Variants in WRN observed in about 807,000 individuals in gnomAD.
WRN encodes bifunctional 3'-5' exonuclease/ATP-dependent helicase WRN.
WRN carries 149 observed loss-of-function variants against 180.7 expected under a neutral mutation model. The observed-to-expected ratio is 0.82, with a 90% confidence interval of 0.72 to 0.94. The LOEUF (loss-of-function observed/expected upper bound fraction) is 0.94, where lower values mean the gene tolerates loss of function less well. WRN is among the 40% of genes least tolerant of loss of function. The pLI is 0.00. For missense variants in WRN, 1,661 were observed against 1,700.1 expected (o/e 0.98, Z 0.40); for synonymous variants, 548 against 568.9 (o/e 0.96, Z 0.52).
intron 20 of WRN, among the ~76,000 whole-genome samples, chr8:31,118,066 C>T (rs536699853): frequency 2.6e-4 from 40 of 152,084 alleles, no homozygotes; most frequent in Non-Finnish European, 5.3e-4. Context: ...TAAAACATCT[C>T]CCAGAACATG....
In WRN at chr8:31,065,072, A is replaced by AAT. The variant is rs1394334942; in HGVS notation, c.504+19_504+20dup. The AAT allele has an allele frequency of 6.2e-6, 10 of 1,608,950 alleles. No homozygotes were observed. The highest frequency in any genetic ancestry group is 8.5e-6 in the Non-Finnish European group (10 of 1,176,702). ...ATGTTGCCAATAAAAAGGTAAAAGC[A>AAT]ATATATATATAATTTTCATGATGAA... is the stretch of plus-strand genomic sequence containing the variant. On this transcript the variant is annotated intron_variant, in intron 5 of 34. Coordinates refer to ENST00000298139, the MANE Select transcript of WRN (RefSeq NM_000553.6).
intron 8 of WRN, among the ~76,000 whole-genome samples, chr8:31,079,011 A>G (rs972557356): frequency 6.6e-6 from 1 of 152,192 alleles, no homozygotes; most frequent in Non-Finnish European, 1.5e-5. Flanking sequence ...ACTGTATCAC[A>G]TATCTGTTCC....
intron 13 of WRN, among the ~76,000 whole-genome samples, chr8:31,089,707 A>G (rs1563344160): frequency 6.6e-6 from 1 of 151,922 alleles, no homozygotes; most frequent in African/African-American, 2.4e-5. Flanking sequence ...CCACCTCTCC[A>G]ATTGATTTTT....
intron 20 of WRN, among the ~76,000 whole-genome samples, chr8:31,116,916 A>G (rs865815694): frequency 3.3e-5 from 5 of 152,218 alleles, no homozygotes; most frequent in Non-Finnish European, 7.3e-5. Flanking sequence ...ATGAGAACAC[A>G]TACTGGGTTC....
intron 16 of WRN, 39 bp from the exon 17 acceptor site, chr8:31,096,728 GT>G (rs376058022): frequency 0.028 from 31,088 of 1,118,996 alleles, 6 homozygotes; most frequent in African/African-American, 0.029. Flanking sequence ...TTCCCTTCCT[GT>G]TTTTTTTTTT....
intron 1 of WRN, among the ~76,000 whole-genome samples, chr8:31,035,717 G>C (rs187227589): frequency 1.3e-5 from 2 of 152,188 alleles, no homozygotes; most frequent in East Asian, 3.9e-4. Flanking sequence ...ATTCCACTCA[G>C]AATTCTTTTT....
chr8:31,059,291 T>G (rs1234534201), intron 3 of WRN, 26 bp downstream of exon 3: 1 of 1,580,116 alleles, frequency 6.3e-7, no homozygotes, highest in South Asian at 1.1e-5. Context: ...TTCCTGATTT[T>G]ATTTGAATTT....
intron 17 of WRN, among the ~76,000 whole-genome samples, chr8:31,100,392 CTT>C (rs911504462): frequency 2.2e-4 from 34 of 152,200 alleles, no homozygotes; most frequent in African/African-American, 7.5e-4. Flanking sequence ...TCAGAGGACT[CTT>C]TGCAATATGA....
chr8:31,142,240 C>T (rs1385649537), intron 26 of WRN, among the ~76,000 whole-genome samples: 1 of 152,120 alleles, frequency 6.6e-6, no homozygotes, highest in African/African-American at 2.4e-5. Context: ...ATCCACCGCT[C>T]CCAGCCAGAA....
chr8:31,149,971 T>G (rs988312477), intron 30 of WRN, among the ~76,000 whole-genome samples: 1 of 152,208 alleles, frequency 6.6e-6, no homozygotes, highest in Non-Finnish European at 1.5e-5. Context: ...GAGATTTTCT[T>G]AGCCTCTTAG....
At chr8:31,091,602 C>T (rs1047856911) in intron 15 of WRN, among the ~76,000 whole-genome samples, 7 of 152,046 alleles carry the variant, frequency 4.6e-5, no homozygotes, top group African/African-American at 1.7e-4. Flanking sequence ...CCCCTGTCAT[C>T]CCCTGCTGCC....
intron 19 of WRN, 73 bp downstream of exon 19, chr8:31,111,872 G>A (rs962492248): frequency 7.8e-6 from 12 of 1,537,248 alleles, no homozygotes; most frequent in African/African-American, 5.6e-5. Flanking sequence ...TGTATTTTAT[G>A]TTATTTACGA....
intron 33 of WRN, among the ~76,000 whole-genome samples, chr8:31,165,377 G>C (rs1328992984): frequency 6.6e-6 from 1 of 151,844 alleles, no homozygotes; most frequent in African/African-American, 2.4e-5. Context: ...AAATTTATAT[G>C]GTCTTTCTAA....
chr8:31,157,344 G>T (rs1324302998), intron 32 of WRN, 24 bp from the exon 33 acceptor site: 1 of 1,612,956 alleles, frequency 6.2e-7, no homozygotes, highest in African/African-American at 1.3e-5. Flanking sequence ...CAACTCACTG[G>T]GTTCTTTGCT....
chr8:31,174,771 T>C lies in WRN; in HGVS notation c.*1669T>C, dbSNP rs1804215535. On this transcript the variant is annotated 3_prime_UTR_variant, in exon 35 of 35. Coordinates refer to ENST00000298139, the MANE Select transcript of WRN (RefSeq NM_000553.6). ...CTTCCTCTTCCTCTTCTTCTTTCTC[T>C]CTTTCCTTCCTTCCCTTCCCTTCCC... 7.1e-6 allele frequency among the ~76,000 whole-genome samples: 1 copy of C among 141,306 alleles called. No homozygotes were observed. Among genetic ancestry groups the C allele is most frequent in the Non-Finnish European group, 1.6e-5 (1 of 63,158 alleles). 92.7% of individuals were successfully genotyped at this position (141,306 alleles called of 152,430 possible).
chr8:31,101,104 G>A (rs143522912), intron 18 of WRN, 149 bp downstream of exon 18: 2 of 719,608 alleles, frequency 2.8e-6, no homozygotes, highest in East Asian at 5.5e-5. Flanking sequence ...AAATGCTAAA[G>A]TTGGTATATA....
rs2130344539 is a variant in WRN, at chr8:31,124,943, A to C, written c.2768A>C (p.Gln923Pro). The change falls in exon 23 of 35, where the codon CAA (glutamine) becomes CCA (proline). Residue 923 changes from glutamine to proline, a missense_variant. By Grantham distance (76) the Gln-to-Pro change is moderately conservative. Coordinates refer to ENST00000298139, the MANE Select transcript of WRN (RefSeq NM_000553.6). The part of the protein sequence containing the change: ...ILSHFEDKQV[Q>P]KASLGIMGTE... ...TCTCATTTTGAGGACAAACAAGTAC[A>C]AAAAGCCTCCTTGGGAATTATGGGA... The C allele has an allele frequency of 1.2e-6, 2 of 1,613,238 alleles. No homozygotes were observed. The highest frequency in any genetic ancestry group is 2.2e-5 in the South Asian group (2 of 90,960).
At chr8:31,166,565 GT>G (rs1201574859) in intron 33 of WRN, among the ~76,000 whole-genome samples, 2 of 152,174 alleles carry the variant, frequency 1.3e-5, no homozygotes, top group Middle Eastern at 3.4e-3. Context: ...TTATTAGAAT[GT>G]TATTTACAGG....
chr8:31,120,516 A>C, intron 21 of WRN, 92 bp downstream of exon 21: 1 of 1,280,630 alleles, frequency 7.8e-7, no homozygotes, highest in Non-Finnish European at 1.1e-6. Flanking sequence ...CCAGTATCCC[A>C]AGTAATTTGT....
Sources: gnomAD v4.1 joint callset for allele counts (sites outside exome capture counted in the v4.1 genomes callset) on GRCh38, gnomAD v4.1.1 for gene constraint, MANE v1.5 for transcripts, NCBI Gene and HGNC (gene_info 2026-07-23, HGNC 2026-07-21) for gene names.